The following CHN1 variants were observed in gnomAD, a reference collection of about 807,000 sequenced individuals.
The protein encoded by CHN1 is N-chimaerin.
Under a neutral mutation model 59.5 loss-of-function variants are expected in CHN1, and 37 were observed. That is an observed-to-expected ratio of 0.62 (90% CI 0.48 to 0.82). CHN1 has a LOEUF of 0.82. Among genes scored for constraint, CHN1 ranks in the 40% least tolerant of loss-of-function variants. The pLI is 0.00. For synonymous variants in CHN1, 206 were observed against 200.4 expected (o/e 1.03, Z -0.24); for missense variants, 469 against 571.0 (o/e 0.82, Z 1.82).
intron 3 of CHN1, among the ~76,000 whole-genome samples, chr2:174,921,314 T>C (rs1689010119): frequency 6.6e-6 from 1 of 152,180 alleles, no homozygotes; most frequent in Admixed American, 6.5e-5. Context: ...TTTTCCTGCA[T>C]ATTGGCGGTT....
chr2:174,807,442 CTATCTGTGTGTGTGTG>C (rs1384935298), intron 11 of CHN1, among the ~76,000 whole-genome samples: 12 of 114,196 alleles, frequency 1.1e-4, no homozygotes, highest in African/African-American at 3.6e-4. Flanking sequence ...TTTTCACGGG[CTATCTGTGTGTGTGTG>C]TGTGTGTGTG....
chr2:174,985,772 C>A (rs552693883), intron 1 of CHN1, among the ~76,000 whole-genome samples: 1 of 152,214 alleles, frequency 6.6e-6, no homozygotes, highest in African/African-American at 2.4e-5. Flanking sequence ...ACTAAAGCTT[C>A]TAGAAATCTA....
At chr2:174,929,622 C>T (rs1008557519) in intron 3 of CHN1, among the ~76,000 whole-genome samples, 6 of 151,464 alleles carry the variant, frequency 4.0e-5, no homozygotes, top group African/African-American at 1.2e-4. Context: ...TTGCGAAAAA[C>T]TCAGCTTCTT....
intron 1 of CHN1, among the ~76,000 whole-genome samples, chr2:174,973,532 T>C (rs1559004975): frequency 6.6e-6 from 1 of 152,082 alleles, no homozygotes. Context: ...GAAGACAAAG[T>C]GATGAAGAAG....
intron 5 of CHN1, among the ~76,000 whole-genome samples, chr2:174,901,803 G>A (rs552583699): frequency 3.3e-5 from 5 of 152,108 alleles, no homozygotes; most frequent in East Asian, 3.9e-4. Flanking sequence ...TATAGTACAC[G>A]TGGTAATAAA....
intron 6 of CHN1, among the ~76,000 whole-genome samples, chr2:174,865,752 G>A (rs1353465463): frequency 2.6e-5 from 4 of 152,080 alleles, no homozygotes; most frequent in African/African-American, 4.8e-5. Context: ...AAGTATTCAC[G>A]TCTATACTTA....
intron 1 of CHN1, among the ~76,000 whole-genome samples, chr2:174,961,035 G>A (rs1690382259): frequency 1.3e-5 from 2 of 152,118 alleles, no homozygotes; most frequent in Middle Eastern, 3.4e-3. Flanking sequence ...AACTGGGGTG[G>A]AAGGATCACT....
chr2:174,920,368 T>A (rs1262210314), intron 3 of CHN1, among the ~76,000 whole-genome samples: 1 of 152,168 alleles, frequency 6.6e-6, no homozygotes, highest in African/African-American at 2.4e-5. Flanking sequence ...TGCAGAATCA[T>A]GGTAGTGGAG....
At chr2:174,947,460 CTATCTT>C (rs1689875522) in intron 2 of CHN1, among the ~76,000 whole-genome samples, 1 of 150,640 alleles carries the variant, frequency 6.6e-6, no homozygotes, top group Non-Finnish European at 1.5e-5. Flanking sequence ...AACAGTTAAT[CTATCTT>C]TAAGACTCTT....
chr2:174,884,926 A>T (rs1687847448), intron 5 of CHN1, among the ~76,000 whole-genome samples: 1 of 152,178 alleles, frequency 6.6e-6, no homozygotes, highest in African/African-American at 2.4e-5. Context: ...TAGAATTAGT[A>T]AAGACTTCAT....
chr2:174,976,445 G>A (rs1048755958), intron 1 of CHN1, among the ~76,000 whole-genome samples: 2 of 151,858 alleles, frequency 1.3e-5, no homozygotes, highest in African/African-American at 4.8e-5. Context: ...CACCATGTTG[G>A]CCAGCCTGAT....
At chr2:174,914,346 G>C (rs1425795956) in intron 5 of CHN1, among the ~76,000 whole-genome samples, 1 of 152,206 alleles carries the variant, frequency 6.6e-6, no homozygotes. Flanking sequence ...TCAGCTGATA[G>C]GGAAGAGCCA....
Position 174,857,684 on chromosome 2 carries a change from C to T in CHN1, c.550-10727G>A, listed in dbSNP as rs181280848. On this transcript the variant is annotated intron_variant, in intron 6 of 12. Coordinates refer to ENST00000409900, the MANE Select transcript of CHN1 (RefSeq NM_001822.7). ...CATGAGAAGGTCCTCTTGATCTTCC[C>T]CCCAACCCCCATGAATCTGAGGGGA... Among the ~76,000 whole-genome samples the T allele has an allele frequency of 5.3e-5, 8 of 152,228 alleles. No individual in the cohort carries two copies. In the East Asian group the frequency reaches 1.2e-3, roughly 22 times the overall value.
intron 1 of CHN1, among the ~76,000 whole-genome samples, chr2:174,975,633 C>A: frequency 1.4e-5 from 2 of 144,094 alleles, no homozygotes; most frequent in African/African-American, 2.6e-5. Flanking sequence ...AAATTTTAGC[C>A]AGGCAAAAAA....
chr2:174,971,495 T>C (rs529553943), intron 1 of CHN1, among the ~76,000 whole-genome samples: 3 of 152,316 alleles, frequency 2.0e-5, no homozygotes, highest in African/African-American at 4.8e-5. Flanking sequence ...AGAATATAAA[T>C]GGATCCTGAG....
intron 1 of CHN1, among the ~76,000 whole-genome samples, chr2:174,992,865 GCCTGGGCTCTAACA>G (rs1325117856): frequency 6.6e-6 from 1 of 151,844 alleles, no homozygotes; most frequent in Non-Finnish European, 1.5e-5. Context: ...GCTCACCGAA[GCCTGGGCTCTAACA>G]CCTGGGCTCA....
At chr2:174,824,086 A>T (rs1685597717) in intron 8 of CHN1, among the ~76,000 whole-genome samples, 1 of 152,194 alleles carries the variant, frequency 6.6e-6, no homozygotes, top group Non-Finnish European at 1.5e-5. Flanking sequence ...ACATTGCTTT[A>T]AAAAAATCAT....
chr2:174,864,952 CCTTT>C (rs1437892384), intron 6 of CHN1, among the ~76,000 whole-genome samples: 1 of 151,916 alleles, frequency 6.6e-6, no homozygotes. Context: ...AAGTCTAAAT[CCTTT>C]ATTTATTTAT....
At chr2:174,915,545 A>C (rs1688822741) in intron 4 of CHN1, among the ~76,000 whole-genome samples, 1 of 150,602 alleles carries the variant, frequency 6.6e-6, no homozygotes, top group African/African-American at 2.4e-5. Flanking sequence ...AATGTATCCT[A>C]TTTTCCTTTC....
Sources: gnomAD v4.1 joint callset for allele counts (sites outside exome capture counted in the v4.1 genomes callset) on GRCh38, gnomAD v4.1.1 for gene constraint, MANE v1.5 for transcripts, NCBI Gene and HGNC (gene_info 2026-07-23, HGNC 2026-07-21) for gene names.